Variants in ARK2N observed in about 807,000 individuals in gnomAD.
The protein encoded by ARK2N is protein ARK2N.
chr18:46,259,307 G>A, the ARK2N span, among the ~76,000 whole-genome samples: 2 of 147,908 alleles, frequency 1.4e-5, no homozygotes, highest in Non-Finnish European at 3.0e-5. Flanking sequence ...GCAGTGGCAC[G>A]ATCTCGGCTC....
the ARK2N span, among the ~76,000 whole-genome samples, chr18:46,244,583 T>C: frequency 6.8e-6 from 1 of 146,818 alleles, no homozygotes; most frequent in African/African-American, 2.5e-5. Flanking sequence ...CTGCATCAAA[T>C]TGATGGTAAG....
chr18:46,185,969 T>C, the ARK2N span, among the ~76,000 whole-genome samples: 1 of 151,940 alleles, frequency 6.6e-6, no homozygotes, highest in Non-Finnish European at 1.5e-5. Context: ...CCTGGGCAGC[T>C]TGAGTGAGAC....
chr18:46,209,946 C>G, the ARK2N span, among the ~76,000 whole-genome samples: 1 of 152,126 alleles, frequency 6.6e-6, no homozygotes, highest in East Asian at 1.9e-4. Context: ...TCCACATTCA[C>G]CACTGATCAA....
chr18:46,176,888 T>C, the ARK2N span, among the ~76,000 whole-genome samples: 1 of 152,142 alleles, frequency 6.6e-6, no homozygotes, highest in Non-Finnish European at 1.5e-5. Context: ...AGTGCTGGGA[T>C]TACAGGTGTG....
the ARK2N span, among the ~76,000 whole-genome samples, chr18:46,230,530 A>T: frequency 6.6e-6 from 1 of 152,244 alleles, no homozygotes. Flanking sequence ...AATCTCTTTC[A>T]ACCTACAACA....
the ARK2N span, among the ~76,000 whole-genome samples, chr18:46,261,153 A>G: frequency 1.3e-5 from 2 of 152,220 alleles, no homozygotes; most frequent in Non-Finnish European, 2.9e-5. Flanking sequence ...AAGTAACTTT[A>G]TACTTCTAAA....
the ARK2N span, among the ~76,000 whole-genome samples, chr18:46,205,593 A>G: frequency 1.3e-5 from 2 of 152,230 alleles, no homozygotes; most frequent in East Asian, 3.8e-4. Flanking sequence ...AATTTCTGTT[A>G]AAGTCTCTTC....
At chr18:46,199,482 ATTTTT>A in the ARK2N span, among the ~76,000 whole-genome samples, 1 of 82,406 alleles carries the variant, frequency 1.2e-5, no homozygotes, top group African/African-American at 4.5e-5. Flanking sequence ...CACCCAGCTC[ATTTTT>A]TTTTTTTTTT....
At chr18:46,216,140 G>T in the ARK2N span, 3 of 1,614,058 alleles carry the variant, frequency 1.9e-6, no homozygotes, top group Non-Finnish European at 2.5e-6. The surrounding 1 kb of genome is among the most constrained non-coding windows in gnomAD (Gnocchi z 4.3). Context: ...GTTTATGAGA[G>T]TGACTCCTCT....
At chr18:46,253,589 C>T in the ARK2N span, 1 of 1,367,288 alleles carries the variant, frequency 7.3e-7, no homozygotes, top group Non-Finnish European at 1.0e-6. Flanking sequence ...CAGGGTGATT[C>T]TGTTTCTGTG....
At chr18:46,225,699 C>A in the ARK2N span, among the ~76,000 whole-genome samples, 7 of 152,224 alleles carry the variant, frequency 4.6e-5, no homozygotes, top group East Asian at 1.4e-3. Flanking sequence ...TGACCTCGTG[C>A]TCCGCCCACC....
the ARK2N span, among the ~76,000 whole-genome samples, chr18:46,244,601 A>ATTTTTTTTTTT: frequency 1.6e-3 from 154 of 93,854 alleles, 17 homozygotes; most frequent in East Asian, 0.017. Context: ...AAGAGTTTAG[A>ATTTTTTTTTTT]TTTTTTTTTT....
the ARK2N span, among the ~76,000 whole-genome samples, chr18:46,179,945 C>G: frequency 1.3e-5 from 2 of 152,088 alleles, no homozygotes; most frequent in African/African-American, 4.8e-5. Flanking sequence ...TTCTATATTC[C>G]TGAACTGCTA....
At chr18:46,209,181 A>G in the ARK2N span, among the ~76,000 whole-genome samples, 1 of 152,180 alleles carries the variant, frequency 6.6e-6, no homozygotes, top group Non-Finnish European at 1.5e-5. Context: ...TGTTAATCCC[A>G]TAGTTTGGAA....
At chr18:46,193,615 T>C in the ARK2N span, among the ~76,000 whole-genome samples, 3 of 140,790 alleles carry the variant, frequency 2.1e-5, no homozygotes, top group African/African-American at 8.3e-5. Flanking sequence ...TTTTTTTTTT[T>C]AATGACAGAG....
At chr18:46,205,710 G>A in the ARK2N span, among the ~76,000 whole-genome samples, 1 of 151,994 alleles carries the variant, frequency 6.6e-6, no homozygotes, top group Non-Finnish European at 1.5e-5. Flanking sequence ...AGACCTGTGG[G>A]TTGTTTTGTT....
At chr18:46,260,224 A>T in the ARK2N span, among the ~76,000 whole-genome samples, 6 of 152,106 alleles carry the variant, frequency 3.9e-5, no homozygotes, top group Admixed American at 3.9e-4. Context: ...CTAGAAACTG[A>T]TTCATGGTTC....
At chr18:46,248,266 A>G in the ARK2N span, among the ~76,000 whole-genome samples, 2 of 152,178 alleles carry the variant, frequency 1.3e-5, no homozygotes, top group East Asian at 3.9e-4. Flanking sequence ...TGCAGGGGAG[A>G]CAACGTCTTC....
chr18:46,265,981 T>G, the ARK2N span: 2 of 152,380 alleles, frequency 1.3e-5, no homozygotes, highest in Non-Finnish European at 2.9e-5. Flanking sequence ...TGTTGCATCA[T>G]CATGACTGCC....
Sources: gnomAD v4.1 joint callset for allele counts (sites outside exome capture counted in the v4.1 genomes callset) on GRCh38, gnomAD v4.1.1 for gene constraint, Gnocchi (gnomAD v3.1) non-coding constraint, MANE v1.5 for transcripts, NCBI Gene and HGNC (gene_info 2026-07-23, HGNC 2026-07-21) for gene names.